Variants in EDEM3 observed in about 807,000 individuals in gnomAD.
The protein encoded by EDEM3 is ER degradation-enhancing alpha-mannosidase-like protein 3.
A neutral mutation model predicts 110.2 loss-of-function variants in EDEM3; 60 were observed. The ratio of observed to expected loss-of-function variants is 0.54; its 90% CI spans 0.44 to 0.67. The LOEUF (loss-of-function observed/expected upper bound fraction) is 0.67, where lower values mean the gene tolerates loss of function less well. Ranked by LOEUF, EDEM3 falls within the 30% of genes least tolerant of loss-of-function variation. EDEM3 has a pLI of 0.00. For synonymous variants in EDEM3, 352 were observed against 382.9 expected, an observed-to-expected ratio of 0.92 and a Z score of 0.94; for missense variants, 996 against 1,121.0, an observed-to-expected ratio of 0.89 and a Z score of 1.59.
chr1:184,701,207 A>G (rs533706052), intron 19 of EDEM3, among the ~76,000 whole-genome samples: 1 of 152,164 alleles, frequency 6.6e-6, no homozygotes, highest in South Asian at 2.1e-4. Flanking sequence ...CATTGTGTTC[A>G]AATAAAATGT....
At chr1:184,720,822 G>C (rs991214488) in intron 9 of EDEM3, 1 of 153,016 alleles carries the variant, frequency 6.5e-6, no homozygotes, top group African/African-American at 2.4e-5. Flanking sequence ...AAAAAAACAT[G>C]CTTGTGGTTC....
At chr1:184,719,012 C>T (rs1465076264) in intron 11 of EDEM3, 150 bp downstream of exon 11, 2 of 432,364 alleles carry the variant, frequency 4.6e-6, no homozygotes, top group Non-Finnish European at 8.0e-6. Context: ...CAAAAATAAA[C>T]TATTTAATAG....
Position 184,719,146 on chromosome 1 carries a change from A to G in EDEM3, c.1161+16T>C. 2 of 1,500,130 alleles carry G rather than the reference A, an allele frequency of 1.3e-6. No individual in the cohort carries two copies. The highest frequency in any genetic ancestry group is 1.8e-6 in the Non-Finnish European group (2 of 1,110,428). The allele number at this position is 1,500,130 out of a possible 1,614,324, so 92.9% of individuals were successfully genotyped here. ...TTTGTGTGTGTGTAAGATTATTCCA[A>G]AAATTATTTGCTTACCTCTGGTAGA... On this transcript the variant is annotated intron_variant, in intron 11 of 19. Transcript: ENST00000318130.
At chr1:184,714,200 A>C (rs1266588003) in intron 13 of EDEM3, among the ~76,000 whole-genome samples, 1 of 152,236 alleles carries the variant, frequency 6.6e-6, no homozygotes, top group African/African-American at 2.4e-5. Context: ...GAAAAGAACA[A>C]GGCATGGTAA....
intron 19 of EDEM3, among the ~76,000 whole-genome samples, 181 bp from the exon 20 acceptor site, chr1:184,694,653 T>C (rs112198269): frequency 1.5e-3 from 231 of 152,230 alleles, no homozygotes; most frequent in Middle Eastern, 6.8e-3. Context: ...CATTTTCCTA[T>C]AGATTCACTG....
intron 1 of EDEM3, among the ~76,000 whole-genome samples, chr1:184,751,511 T>C (rs1015419949): frequency 1.5e-4 from 23 of 152,376 alleles, no homozygotes; most frequent in Non-Finnish European, 2.9e-4. Context: ...CTTACATTTA[T>C]GCAGCATATG....
chr1:184,695,175 A>C (rs931736436), intron 19 of EDEM3, among the ~76,000 whole-genome samples: 1 of 152,042 alleles, frequency 6.6e-6, no homozygotes, highest in Non-Finnish European at 1.5e-5. Context: ...TAGGGTTCCT[A>C]CAAGAAAGTG....
At chr1:184,741,170 G>A (rs933083020) in intron 2 of EDEM3, among the ~76,000 whole-genome samples, 1 of 152,112 alleles carries the variant, frequency 6.6e-6, no homozygotes, top group Non-Finnish European at 1.5e-5. Flanking sequence ...GGCCAAGGTG[G>A]GTGAGTCACC....
At chr1:184,752,745 G>T (rs1188585203) in intron 1 of EDEM3, among the ~76,000 whole-genome samples, 1 of 152,188 alleles carries the variant, frequency 6.6e-6, no homozygotes, top group Non-Finnish European at 1.5e-5. Context: ...TCTAATGAAC[G>T]TGCAACATAC....
chr1:184,724,552 A>G (rs1421339177), intron 7 of EDEM3, among the ~76,000 whole-genome samples: 1 of 152,224 alleles, frequency 6.6e-6, no homozygotes, highest in African/African-American at 2.4e-5. Context: ...GGGCAAGTAC[A>G]GGCAGGTTTC....
At chr1:184,722,672 T>C (rs546369262) in intron 8 of EDEM3, among the ~76,000 whole-genome samples, 76 of 152,030 alleles carry the variant, frequency 5.0e-4, no homozygotes, top group African/African-American at 1.7e-3. Context: ...TTTTATACAA[T>C]ACTGAATAAA....
At position 184,699,859 on chromosome 1, in the gene EDEM3, T is replaced by C. The variant is rs929380195; in HGVS notation, c.2389+2952A>G. Among the ~76,000 whole-genome samples the C allele has an allele frequency of 3.3e-5, 5 of 151,896 alleles. No homozygotes were observed. In the South Asian group the frequency reaches 6.2e-4, roughly 19 times the overall value. On this transcript the variant is annotated intron_variant, in intron 19 of 19. Coordinates refer to ENST00000318130, the MANE Select transcript of EDEM3 (RefSeq NM_025191.4). ...ATGAATTGGAACTTAAAAATGCTGA[T>C]GTTTTTTTCCCTGTGACAAATACTA...
At chr1:184,702,025 G>A (rs1247426070) in intron 19 of EDEM3, among the ~76,000 whole-genome samples, 2 of 152,018 alleles carry the variant, frequency 1.3e-5, no homozygotes, top group Non-Finnish European at 2.9e-5. Flanking sequence ...TTAAGGGTAT[G>A]GGAGAACTTT....
In EDEM3 at chr1:184,721,293, T is replaced by C. The variant is rs1650887384; in HGVS notation, c.947A>G (p.Asn316Ser). The change falls in exon 9 of 20, where the codon AAC (asparagine) becomes AGC (serine). Residue 316 changes from asparagine to serine, a missense_variant. Coordinates refer to ENST00000318130, the MANE Select transcript of EDEM3 (RefSeq NM_025191.4). ...TATAAAATTGTATCAACTTACTGTG[T>C]TAAATCTTTCCAGAAAACTGTCATC... ...LGDDSFLERFNTHYDAIMRYI... is the reference protein window; with the variant it reads ...LGDDSFLERFSTHYDAIMRYI... The C allele has an allele frequency of 6.3e-7, 1 of 1,599,378 alleles. No homozygotes were observed. Among genetic ancestry groups the C allele is most frequent in the African/African-American group, 1.4e-5 (1 of 73,872 alleles).
intron 17 of EDEM3, 33 bp from the exon 18 acceptor site, chr1:184,706,841 ATCT>A: frequency 6.2e-7 from 1 of 1,602,012 alleles, no homozygotes; most frequent in South Asian, 1.1e-5. Flanking sequence ...AAATACTTTA[ATCT>A]TCTCAAATGG....
chr1:184,723,772 T>C lies in EDEM3; in HGVS notation c.832A>G (p.Thr278Ala). 3 of 1,599,816 alleles carry C rather than the reference T, an allele frequency of 1.9e-6. No individual in the cohort carries two copies. The East Asian group carries it at 6.8e-5, about 36-fold the overall frequency. ...ATACCTTTTCGTACCCAATCTCCAGTATGAATATTTATAGTCACGCCCACT... is the reference window on the plus strand; with the variant it reads ...ATACCTTTTCGTACCCAATCTCCAGCATGAATATTTATAGTCACGCCCACT... ...NLVGVTINIH[T>A]GDWVRKDSGV... The change falls in exon 8 of 20, where the codon ACT becomes GCT. Residue 278 changes from threonine (T) to alanine (A), a missense_variant. Thr to Ala is a moderately conservative substitution (Grantham distance 58). Transcript: ENST00000318130.
intron 7 of EDEM3, 127 bp downstream of exon 7, chr1:184,726,128 T>C (rs959607745): frequency 5.4e-6 from 7 of 1,296,112 alleles, no homozygotes; most frequent in Non-Finnish European, 6.2e-6. Context: ...TGTAAAGGAA[T>C]TTAGACAAAA....
Position 184,707,489 on chromosome 1 carries a change from C to G in EDEM3, c.2037+664G>C, listed in dbSNP as rs1317994880. 2.6e-5 allele frequency among the ~76,000 whole-genome samples: 4 copies of G among 152,126 alleles called. No homozygotes were observed. In the South Asian group the frequency reaches 8.3e-4, roughly 32 times the overall value. ...GCACTCAATCAACAGTTGAATGAAT[C>G]AATCAATCTATATAGCTTCTACATA... On this transcript the variant is annotated intron_variant, in intron 17 of 19. Coordinates refer to ENST00000318130, the MANE Select transcript of EDEM3 (RefSeq NM_025191.4).
Position 184,721,406 on chromosome 1 carries a change from AT to A in EDEM3, c.854-21del. On this transcript the variant is annotated intron_variant, in intron 8 of 19. Transcript: ENST00000318130. The stretch of plus-strand genomic sequence containing the variant: ...CACTATCTATGGAAACACAAATGTG[AT>A]TTTTCATTAAATTTTTTTAAAACCG... 1 of 1,557,226 alleles carries A rather than the reference AT, an allele frequency of 6.4e-7. No individual in the cohort carries two copies. Among genetic ancestry groups the A allele is most frequent in the Non-Finnish European group, 8.6e-7 (1 of 1,157,948 alleles).
Sources: allele counts gnomAD v4.1 joint callset (sites outside exome capture counted in the v4.1 genomes callset), GRCh38; gene constraint gnomAD v4.1.1; transcripts MANE v1.5; gene names NCBI Gene and HGNC (gene_info 2026-07-23, HGNC 2026-07-21).